Variants in ROBO1 observed in about 807,000 individuals in gnomAD.
The protein encoded by ROBO1 is roundabout guidance receptor 1.
In ROBO1, 149 loss-of-function variants were observed where a neutral mutation model predicts 195.9. The ratio of observed to expected loss-of-function variants is 0.76; its 90% CI spans 0.67 to 0.87. ROBO1 has a LOEUF of 0.87. Ranked by LOEUF, ROBO1 falls within the 40% of genes least tolerant of loss-of-function variation. The probability of loss-of-function intolerance (pLI) is 0.00; values close to 1 mark genes in which losing one functional copy is unlikely to be tolerated. For missense variants in ROBO1, 1,933 were observed against 2,068.3 expected, an observed-to-expected ratio of 0.93 and a Z score of 1.27; for synonymous variants, 816 against 733.2, an observed-to-expected ratio of 1.11 and a Z score of -1.82.
rs529225895 is a variant in ROBO1 at position 79,299,255 on chromosome 3, C to A, written c.89-173716G>T. Among the ~76,000 whole-genome samples the A allele has an allele frequency of 3.3e-5, 5 of 152,192 alleles. 1 individual carries two copies. The South Asian group carries it at 1.0e-3, about 31-fold the overall frequency. On this transcript the variant is annotated intron_variant, in intron 2 of 30. Coordinates refer to ENST00000464233, the MANE Select transcript of ROBO1 (RefSeq NM_002941.4). ...TAAAAATAAAATTTAGAGAAAAGAG[C>A]ATGAGCTTTGGGGTTATACAGACAT...
chr3:78,713,701 C>A (rs1178782113), intron 8 of ROBO1, among the ~76,000 whole-genome samples: 2 of 152,102 alleles, frequency 1.3e-5, no homozygotes, highest in South Asian at 2.1e-4. Context: ...GGTGACAGAT[C>A]CATTTCCTCC....
intron 2 of ROBO1, among the ~76,000 whole-genome samples, chr3:79,364,503 G>GT (rs920308702): frequency 6.6e-6 from 1 of 151,530 alleles, no homozygotes; most frequent in Admixed American, 6.6e-5. Context: ...CATATTCTAG[G>GT]TTTTTTCTCC....
chr3:78,670,106 C>A lies in ROBO1; in HGVS notation c.1538G>T (p.Arg513Leu). The change falls in exon 11 of 31, where the codon CGA becomes CTA. Residue 513 changes from arginine (R) to leucine (L), a missense_variant. This residue lies in a region of ROBO1 where 1,737 missense variants were observed against 1,882.5 expected (regional missense o/e 0.92). Coordinates refer to ENST00000464233, the MANE Select transcript of ROBO1 (RefSeq NM_002941.4). ...KQLENGVLQI[R>L]YAKLGDTGRY... is the part of the protein sequence containing the mutation. ...GCCATTCCAAGTTACCTTAGCATAT[C>A]GGATCTGCAGTACTCCATTCTCCAA... is the stretch of plus-strand genomic sequence containing the variant. 1 of 1,604,618 alleles carries A rather than the reference C, an allele frequency of 6.2e-7. No individual in the cohort carries two copies. Among genetic ancestry groups the A allele is most frequent in the Non-Finnish European group, 8.5e-7 (1 of 1,173,100 alleles).
intron 5 of ROBO1, among the ~76,000 whole-genome samples, 191 bp from the exon 6 acceptor site, chr3:78,718,074 A>G (rs2081947217): frequency 6.6e-6 from 1 of 152,212 alleles, no homozygotes. Context: ...GGTACAATAT[A>G]AAAGAAGCAA....
chr3:78,680,689 G>A (rs895101068), intron 10 of ROBO1, among the ~76,000 whole-genome samples: 3 of 145,178 alleles, frequency 2.1e-5, no homozygotes, highest in African/African-American at 7.9e-5. Flanking sequence ...AACAACAGGT[G>A]CTGGAGAGGA....
intron 3 of ROBO1, among the ~76,000 whole-genome samples, chr3:79,021,221 C>T (rs2078094267): frequency 1.3e-5 from 2 of 152,200 alleles, no homozygotes; most frequent in Non-Finnish European, 2.9e-5. Context: ...AAGCATACAT[C>T]GATTTGGTCT....
At chr3:78,900,683 T>A (rs1238768014) in intron 4 of ROBO1, among the ~76,000 whole-genome samples, 2 of 152,178 alleles carry the variant, frequency 1.3e-5, no homozygotes, top group African/African-American at 4.8e-5. Flanking sequence ...ACTGTGCAGA[T>A]GTTCAGCTAT....
At chr3:79,243,638 A>C (rs1329107293) in intron 2 of ROBO1, among the ~76,000 whole-genome samples, 3 of 152,010 alleles carry the variant, frequency 2.0e-5, no homozygotes, top group Non-Finnish European at 4.4e-5. Context: ...TCTTCTTTTG[A>C]GAAGTGTCTG....
intron 10 of ROBO1, among the ~76,000 whole-genome samples, chr3:78,676,951 A>G (rs1254721586): frequency 1.3e-5 from 2 of 152,214 alleles, no homozygotes; most frequent in Admixed American, 6.5e-5. Context: ...CACAAAGGGA[A>G]GACCATCAGA....
chr3:79,170,333 T>C (rs2081144729), intron 2 of ROBO1, among the ~76,000 whole-genome samples: 1 of 152,198 alleles, frequency 6.6e-6, no homozygotes, highest in Non-Finnish European at 1.5e-5. Flanking sequence ...CTACTTAGGT[T>C]GCTATTTATC....
chr3:79,116,472 TTCTC>T (rs2080002581), intron 3 of ROBO1, among the ~76,000 whole-genome samples: 2 of 150,328 alleles, frequency 1.3e-5, no homozygotes, highest in Admixed American at 1.3e-4. Context: ...CTTTGTTTCT[TTCTC>T]TCTTTCTCTC....
chr3:79,759,728 A>T (rs1160404868), intron 1 of ROBO1, among the ~76,000 whole-genome samples: 1 of 152,218 alleles, frequency 6.6e-6, no homozygotes, highest in Non-Finnish European at 1.5e-5. Context: ...GTTCATTAAC[A>T]TTGTGATGAT....
intron 2 of ROBO1, among the ~76,000 whole-genome samples, chr3:79,550,206 GA>G (rs745390932): frequency 2.0e-5 from 2 of 100,382 alleles, no homozygotes; most frequent in African/African-American, 9.6e-5. Context: ...GAAAAGAAAA[GA>G]AAAGAAAAGA....
intron 2 of ROBO1, among the ~76,000 whole-genome samples, chr3:79,403,174 G>T (rs2037427011): frequency 6.6e-6 from 1 of 151,846 alleles, no homozygotes; most frequent in Admixed American, 6.6e-5. Context: ...CTGTAACAAG[G>T]CTCGATATTT....
In ROBO1 at chr3:78,846,242, G is replaced by A. The variant is rs572920579; in HGVS notation, c.499+92359C>T. Among the ~76,000 whole-genome samples the A allele has an allele frequency of 6.6e-5, 10 of 152,192 alleles. No individual in the cohort carries two copies. In the East Asian group the frequency reaches 1.9e-3, roughly 29 times the overall value. On this transcript the variant is annotated intron_variant, in intron 4 of 30. Transcript: ENST00000464233. The stretch of plus-strand genomic sequence containing the variant: ...TTCCAGTGGTAATTTCCTTCATGAA[G>A]CCAAGACAAATATAAAAAACAAAGG...
At chr3:79,461,691 C>T (rs1046391526) in intron 2 of ROBO1, among the ~76,000 whole-genome samples, 24 of 152,124 alleles carry the variant, frequency 1.6e-4, no homozygotes, top group Admixed American at 9.8e-4. Flanking sequence ...AGTTTTAGAG[C>T]AGTTTATTAC....
chr3:79,338,914 TA>T (rs2034794062), intron 2 of ROBO1, among the ~76,000 whole-genome samples: 1 of 152,204 alleles, frequency 6.6e-6, no homozygotes, highest in Non-Finnish European at 1.5e-5. Flanking sequence ...AACCGAATAT[TA>T]AAAAATCAAA....
intron 2 of ROBO1, among the ~76,000 whole-genome samples, chr3:79,317,834 A>G (rs1351352681): frequency 6.6e-6 from 1 of 152,138 alleles, no homozygotes; most frequent in Non-Finnish European, 1.5e-5. Flanking sequence ...ATACACATAC[A>G]TCTCCTTACA....
At chr3:78,952,392 A>G (rs1392219340) in intron 3 of ROBO1, among the ~76,000 whole-genome samples, 6 of 150,552 alleles carry the variant, frequency 4.0e-5, no homozygotes, top group Admixed American at 4.0e-4. Context: ...ATATTTATAT[A>G]TAGGTTCAAA....
Sources: gnomAD v4.1 joint callset for allele counts (sites outside exome capture counted in the v4.1 genomes callset) on GRCh38, gnomAD v4.1.1 for gene constraint, gnomAD v4.1.1 regional missense constraint, MANE v1.5 for transcripts, NCBI Gene and HGNC (gene_info 2026-07-23, HGNC 2026-07-21) for gene names.